Variants in FOXN3 observed in about 807,000 individuals in gnomAD.
FOXN3 encodes the protein forkhead box N3.
A neutral mutation model predicts 38.4 loss-of-function variants in FOXN3; 7 were observed. The ratio of observed to expected loss-of-function variants is 0.18; its 90% CI spans 0.10 to 0.34. The LOEUF is 0.34. Among genes scored for constraint, FOXN3 ranks in the 10% least tolerant of loss-of-function variants. FOXN3 has a pLI of 1.00. For missense variants in FOXN3, 456 were observed against 613.4 expected, an observed-to-expected ratio of 0.74 and a Z score of 2.71; for synonymous variants, 230 against 242.2, an observed-to-expected ratio of 0.95 and a Z score of 0.47.
chr14:89,469,219 C>A (rs1418485196), intron 1 of FOXN3, among the ~76,000 whole-genome samples: 1 of 152,160 alleles, frequency 6.6e-6, no homozygotes, highest in Non-Finnish European at 1.5e-5. Flanking sequence ...GGTCAGAACA[C>A]CTGTCGGGGA....
intron 4 of FOXN3, among the ~76,000 whole-genome samples, chr14:89,253,488 T>C (rs1885526225): frequency 6.6e-6 from 1 of 152,270 alleles, no homozygotes; most frequent in South Asian, 2.1e-4. Context: ...ACAAATAGAC[T>C]GGACTGAAGA....
chr14:89,291,426 C>T (rs568659933), intron 3 of FOXN3: 2 of 610,652 alleles, frequency 3.3e-6, no homozygotes, highest in East Asian at 4.3e-5. Flanking sequence ...AACTTGGCCA[C>T]CATGCTGTTC....
chr14:89,466,555 G>C (rs754515700), intron 1 of FOXN3, among the ~76,000 whole-genome samples: 2 of 152,176 alleles, frequency 1.3e-5, no homozygotes, highest in African/African-American at 2.4e-5. Flanking sequence ...GGATTTGAGA[G>C]ATGAATCAAG....
At chr14:89,238,915 C>T (rs751638502) in intron 4 of FOXN3, among the ~76,000 whole-genome samples, 21 of 152,212 alleles carry the variant, frequency 1.4e-4, no homozygotes, top group South Asian at 4.1e-4. Context: ...CCACCCTTGC[C>T]GCCACGGAAA....
intron 3 of FOXN3, among the ~76,000 whole-genome samples, chr14:89,343,157 C>T (rs565420732): frequency 6.6e-6 from 1 of 152,262 alleles, no homozygotes; most frequent in South Asian, 2.1e-4. Context: ...ATTATTGGAT[C>T]CTATCCAAGC....
chr14:89,448,972 C>T (rs1028622487), intron 1 of FOXN3, among the ~76,000 whole-genome samples: 7 of 151,982 alleles, frequency 4.6e-5, no homozygotes, highest in Middle Eastern at 3.4e-3. Flanking sequence ...AAAAGAAATC[C>T]TGGATTCAAA....
intron 2 of FOXN3, chr14:89,364,826 T>C (rs1890089875): frequency 1.3e-5 from 2 of 152,204 alleles, no homozygotes; most frequent in South Asian, 4.1e-4. Flanking sequence ...GGAACGCATG[T>C]GGAACAGGTG....
At chr14:89,583,014 T>C (rs1895775509) in intron 1 of FOXN3, among the ~76,000 whole-genome samples, 1 of 152,238 alleles carries the variant, frequency 6.6e-6, no homozygotes, top group Non-Finnish European at 1.5e-5. Context: ...GATTTCTCAT[T>C]GGCCTGTTGA....
At chr14:89,511,738 A>G (rs866022027) in intron 1 of FOXN3, among the ~76,000 whole-genome samples, 1 of 152,208 alleles carries the variant, frequency 6.6e-6, no homozygotes, top group African/African-American at 2.4e-5. Context: ...TGGGTAATTT[A>G]TAAAGAAAAG....
intron 1 of FOXN3, among the ~76,000 whole-genome samples, chr14:89,528,249 A>G (rs928914767): frequency 3.3e-5 from 5 of 152,146 alleles, no homozygotes; most frequent in Non-Finnish European, 5.9e-5. Context: ...ATAGCCCTAA[A>G]CTGGAAACAA....
chr14:89,310,291 G>A (rs963932183), intron 3 of FOXN3, among the ~76,000 whole-genome samples: 6 of 152,208 alleles, frequency 3.9e-5, no homozygotes, highest in Admixed American at 3.9e-4. Context: ...GGGTCGGGCA[G>A]CCATCCTGCC....
chr14:89,483,220 G>T (rs1046196448), intron 1 of FOXN3, among the ~76,000 whole-genome samples: 1 of 152,006 alleles, frequency 6.6e-6, no homozygotes, highest in African/African-American at 2.4e-5. Context: ...AAAGAAAAAA[G>T]AATGGGTGTA....
At chr14:89,470,103 C>T (rs946697147) in intron 1 of FOXN3, among the ~76,000 whole-genome samples, 2 of 152,156 alleles carry the variant, frequency 1.3e-5, no homozygotes, top group African/African-American at 2.4e-5. Context: ...ATTTCATAAG[C>T]GTCTATTTAT....
Position 89,346,001 on chromosome 14 carries a change from C to T in FOXN3, c.680+4671G>A, listed in dbSNP as rs376451966. Among the ~76,000 whole-genome samples the T allele has an allele frequency of 2.1e-4, 32 of 152,248 alleles. 4 individuals are homozygous for T. Among genetic ancestry groups the T allele is most frequent in the Admixed American group, 1.6e-3 (25 of 15,290 alleles). On this transcript the variant is annotated intron_variant, in intron 3 of 5. Transcript: ENST00000557258. ...CTGAGCGGCAGAGATCGCAGTGAGC[C>T]GAGATCGCGGCACTGCACTCCAGCC...
At chr14:89,165,438 G>C (rs1887215370) in intron 5 of FOXN3, among the ~76,000 whole-genome samples, 1 of 152,190 alleles carries the variant, frequency 6.6e-6, no homozygotes, top group Admixed American at 6.5e-5. Flanking sequence ...TGTTCACTCT[G>C]AGCAGTCTTG....
At chr14:89,515,340 A>G (rs1483931059) in intron 1 of FOXN3, among the ~76,000 whole-genome samples, 1 of 152,180 alleles carries the variant, frequency 6.6e-6, no homozygotes, top group African/African-American at 2.4e-5. Context: ...CTTACAGCAC[A>G]CACTGTCATT....
rs34492323 is a variant in FOXN3 at position 89,234,616 on chromosome 14, C to CCT, written c.745+46332_745+46333dup. 3.4e-3 allele frequency among the ~76,000 whole-genome samples: 510 copies of CCT among 148,370 alleles called. 2 individuals carry two copies. Among genetic ancestry groups the CCT allele is most frequent in the East Asian group, 0.01 (52 of 5,042 alleles). On this transcript the variant is annotated intron_variant, in intron 4 of 5. Transcript: ENST00000557258. ...CTGGTTGTTTAAAAGTATGTGGCAT[C>CCT]CTCTCTCTCTCTCTCTCTCTCTCTG...
chr14:89,526,345 T>C (rs1367921562), intron 1 of FOXN3, among the ~76,000 whole-genome samples: 1 of 152,176 alleles, frequency 6.6e-6, no homozygotes, highest in African/African-American at 2.4e-5. Context: ...GATTATGTCA[T>C]TATCTTTGTA....
intron 4 of FOXN3, among the ~76,000 whole-genome samples, chr14:89,208,317 A>T (rs943497232): frequency 6.6e-6 from 1 of 152,158 alleles, no homozygotes; most frequent in African/African-American, 2.4e-5. Context: ...TTCCCTGGGG[A>T]ACTTCAATCT....
Sources: gnomAD v4.1 joint callset for allele counts (sites outside exome capture counted in the v4.1 genomes callset) on GRCh38, gnomAD v4.1.1 for gene constraint, MANE v1.5 for transcripts, NCBI Gene and HGNC (gene_info 2026-07-23, HGNC 2026-07-21) for gene names.